Variants in NLGN4Y observed in about 807,000 individuals in gnomAD.
The protein encoded by NLGN4Y is neuroligin-4, Y-linked.
NLGN4Y carries 4 observed loss-of-function variants against 8.4 expected under a neutral mutation model. That is an observed-to-expected ratio of 0.48 (90% CI 0.23 to 1.09). The LOEUF (loss-of-function observed/expected upper bound fraction) is 1.09, where lower values mean the gene tolerates loss of function less well. Ranked by LOEUF, NLGN4Y falls within the 50% of genes least tolerant of loss-of-function variation. NLGN4Y has a pLI of 0.19. For synonymous variants in NLGN4Y, 35 were observed against 75.6 expected (o/e 0.46, Z 2.78); for missense variants, 90 against 192.3 (o/e 0.47, Z 3.15).
intron 2 of NLGN4Y, among the ~76,000 whole-genome samples, chrY:14,710,556 C>T (rs2080896479): frequency 3.0e-5 from 1 of 33,324 alleles, no homozygotes; most frequent in Non-Finnish European, 7.4e-5. Flanking sequence ...ATGCATAAAG[C>T]CCTTAGAACA....
intron 6 of NLGN4Y, among the ~76,000 whole-genome samples, chrY:14,839,896 C>A: frequency 3.0e-5 from 1 of 33,206 alleles, no homozygotes; most frequent in South Asian, 6.8e-4. Context: ...CAGATAACTT[C>A]TTTGCTGTGG....
rs552487667 is a variant in NLGN4Y, at chrY:14,660,263, G to T, written c.472+37672G>T. ...ATTTAAGCCAAAACCTGAGAGATGA[G>T]CAGGGATTGACCAACTAATGAGCAG... On this transcript the variant is annotated intron_variant, in intron 2 of 6. Transcript: ENST00000684976. Among the ~76,000 whole-genome samples, 205 of 33,686 alleles carry T rather than the reference G, an allele frequency of 6.1e-3. No homozygotes were observed. In the Middle Eastern group the frequency reaches 0.23, roughly 38 times the overall value. 90.4% of individuals were successfully genotyped at this position (33,686 alleles called of 37,273 possible).
chrY:14,788,996 G>A (rs771208463), intron 4 of NLGN4Y, among the ~76,000 whole-genome samples: 1 of 29,611 alleles, frequency 3.4e-5, no homozygotes, highest in South Asian at 8.3e-4. Flanking sequence ...TTGAGACAGA[G>A]CCTTGTTGTC....
Position 14,842,864 on chromosome Y carries a change from A to T in NLGN4Y, c.*1602A>T. The T allele has an allele frequency of 8.2e-6, 1 of 121,417 alleles. No homozygotes were observed. The highest frequency in any genetic ancestry group is 1.8e-5 in the Non-Finnish European group (1 of 56,110). 30.3% of individuals were successfully genotyped at this position (121,417 alleles called of 400,897 possible). A position where few individuals can be genotyped will look rare whatever the true frequency, so the allele number is the denominator to read the frequency against. ...ACAGCTTGTGGTTTTCTTATTACTCATTTTCAGGAAAGTTTGTAGTATTAC... is the reference window on the plus strand; with the variant it reads ...ACAGCTTGTGGTTTTCTTATTACTCTTTTTCAGGAAAGTTTGTAGTATTAC... On this transcript the variant is annotated 3_prime_UTR_variant, in exon 7 of 7. Transcript: ENST00000684976.
rs2080596879 is a variant in NLGN4Y, at chrY:14,643,163, G to A, written c.472+20572G>A. 1.5e-4 allele frequency among the ~76,000 whole-genome samples: 5 copies of A among 33,537 alleles called. No individual in the cohort carries two copies. The South Asian group carries it at 3.4e-3, about 23-fold the overall frequency. The allele number at this position is 33,537 out of a possible 37,273, so 90.0% of individuals were successfully genotyped here. ...AGATTGAAATGGCCTCTCCAGGGTT[G>A]GGAAGAGACCGGGTGGGTCCAGTAG... On this transcript the variant is annotated intron_variant, in intron 2 of 6. Transcript: ENST00000684976.
chrY:14,599,032 G>GT (rs2080417745), intron 1 of NLGN4Y, among the ~76,000 whole-genome samples: 1 of 26,458 alleles, frequency 3.8e-5, no homozygotes, highest in African/African-American at 1.5e-4. Flanking sequence ...TAATATCTAT[G>GT]TTTTTATATA....
intron 2 of NLGN4Y, among the ~76,000 whole-genome samples, chrY:14,677,351 C>G (rs762939744): frequency 2.4e-4 from 8 of 33,083 alleles, no homozygotes; most frequent in African/African-American, 9.4e-4. Flanking sequence ...CTTTTTACCA[C>G]CTGAGAAAAC....
intron 2 of NLGN4Y, among the ~76,000 whole-genome samples, chrY:14,697,492 T>TGATAGATA: frequency 5.2e-4 from 10 of 19,236 alleles, no homozygotes; most frequent in East Asian, 2.6e-3. Flanking sequence ...AGCAGATAGG[T>TGATAGATA]GATAGATAGA....
chrY:14,818,326 GC>G (rs2043109897), intron 4 of NLGN4Y, among the ~76,000 whole-genome samples: 1 of 33,444 alleles, frequency 3.0e-5, no homozygotes, highest in African/African-American at 1.2e-4. Context: ...TGTGAAAAGA[GC>G]AAAGTCTCCC....
intron 1 of NLGN4Y, among the ~76,000 whole-genome samples, chrY:14,595,753 C>G (rs2080394376): frequency 6.0e-5 from 2 of 33,266 alleles, no homozygotes; most frequent in African/African-American, 2.4e-4. Context: ...CAAGAACCCG[C>G]AACGGTCCCT....
At chrY:14,658,371 G>A (rs2080662306) in intron 2 of NLGN4Y, among the ~76,000 whole-genome samples, 1 of 33,353 alleles carries the variant, frequency 3.0e-5, no homozygotes, top group African/African-American at 1.2e-4. Context: ...CAAAGAAAAC[G>A]CCTTTTTGCT....
chrY:14,823,608 A>G (rs2043131802), intron 4 of NLGN4Y, among the ~76,000 whole-genome samples: 1 of 33,720 alleles, frequency 3.0e-5, no homozygotes, highest in East Asian at 7.9e-4. Context: ...CATGTTATTA[A>G]TATTTTAGAT....
At chrY:14,547,488 T>C (rs2080176753) in intron 1 of NLGN4Y, among the ~76,000 whole-genome samples, 1 of 33,685 alleles carries the variant, frequency 3.0e-5, no homozygotes, top group African/African-American at 1.2e-4. Context: ...TCACAGAAGC[T>C]CTTCCAAAGG....
At chrY:14,683,291 A>T in intron 2 of NLGN4Y, among the ~76,000 whole-genome samples, 1 of 33,750 alleles carries the variant, frequency 3.0e-5, no homozygotes, top group African/African-American at 1.2e-4. Context: ...CTGAGCACAG[A>T]TGATGCTAAA....
intron 1 of NLGN4Y, among the ~76,000 whole-genome samples, chrY:14,600,823 G>A (rs2080424296): frequency 3.1e-5 from 1 of 32,743 alleles, no homozygotes; most frequent in Non-Finnish European, 7.5e-5. Flanking sequence ...AAAATAAATG[G>A]GGTACACATC....
intron 1 of NLGN4Y, among the ~76,000 whole-genome samples, chrY:14,525,250 C>CT (rs2080089290): frequency 2.2e-4 from 7 of 32,397 alleles, no homozygotes; most frequent in Non-Finnish European, 3.8e-4. Flanking sequence ...TTCTTTTTTT[C>CT]TTTTTTTTTC....
intron 2 of NLGN4Y, among the ~76,000 whole-genome samples, chrY:14,702,313 T>G (rs1603502864): frequency 3.2e-5 from 1 of 31,395 alleles, no homozygotes. Flanking sequence ...TCCTACCCCC[T>G]ACCCCCACCC....
At chrY:14,650,038 A>G (rs2080623987) in intron 2 of NLGN4Y, among the ~76,000 whole-genome samples, 1 of 33,816 alleles carries the variant, frequency 3.0e-5, no homozygotes, top group Non-Finnish European at 7.3e-5. Context: ...ATAGGTTAGC[A>G]CATTCTCTGC....
intron 1 of NLGN4Y, among the ~76,000 whole-genome samples, chrY:14,581,766 A>G: frequency 3.0e-5 from 1 of 33,368 alleles, no homozygotes; most frequent in Non-Finnish European, 7.4e-5. Context: ...TTTCATTATG[A>G]TCTGGCCTTT....
Sources: gnomAD v4.1 joint callset for allele counts (sites outside exome capture counted in the v4.1 genomes callset) on GRCh38, gnomAD v4.1.1 for gene constraint, MANE v1.5 for transcripts, NCBI Gene and HGNC (gene_info 2026-07-23, HGNC 2026-07-21) for gene names.